TNKS: variants seen among roughly 807,000 people sequenced by gnomAD.
TNKS encodes tankyrase, also known as poly [ADP-ribose] polymerase tankyrase-1.
A neutral mutation model predicts 135.8 loss-of-function variants in TNKS; 72 were observed. That is an observed-to-expected ratio of 0.53 (90% CI 0.44 to 0.64). The LOEUF (loss-of-function observed/expected upper bound fraction) is 0.64. TNKS is among the 30% of genes least tolerant of loss of function. The pLI is 0.00. For missense variants in TNKS, 1,769 were observed against 1,674.0 expected (o/e 1.06, Z -0.99); for synonymous variants, 849 against 649.3 (o/e 1.31, Z -4.68).
At chr8:9,575,792 A>AT (rs534272443) in intron 1 of TNKS, among the ~76,000 whole-genome samples, 124 of 152,338 alleles carry the variant, frequency 8.1e-4, no homozygotes, top group African/African-American at 2.8e-3. Context: ...GCTTTTATCA[A>AT]TTTGCATGGA....
chr8:9,721,958 C>G (rs988312329), intron 12 of TNKS, among the ~76,000 whole-genome samples: 3 of 151,374 alleles, frequency 2.0e-5, no homozygotes, highest in African/African-American at 7.3e-5. Context: ...GAGCCTGAGG[C>G]AGGAGAATCA....
intron 3 of TNKS, among the ~76,000 whole-genome samples, chr8:9,661,461 C>G (rs1035118892): frequency 8.9e-4 from 136 of 152,010 alleles, no homozygotes; most frequent in Middle Eastern, 3.4e-3. Flanking sequence ...TTTGACAAGC[C>G]TGACAAAAAC....
chr8:9,723,905 A>G (rs1353636795), intron 12 of TNKS, among the ~76,000 whole-genome samples: 1 of 152,222 alleles, frequency 6.6e-6, no homozygotes, highest in Non-Finnish European at 1.5e-5. Context: ...ACACAGGTAA[A>G]GATTAGGCTT....
At chr8:9,569,456 C>G (rs1377148654) in intron 1 of TNKS, among the ~76,000 whole-genome samples, 2 of 152,184 alleles carry the variant, frequency 1.3e-5, no homozygotes, top group African/African-American at 4.8e-5. Context: ...ACTTGTGATA[C>G]ATGATACTAT....
intron 3 of TNKS, 58 bp downstream of exon 3, chr8:9,615,735 A>G: frequency 2.2e-6 from 3 of 1,394,518 alleles, no homozygotes; most frequent in South Asian, 2.6e-5. Context: ...ACTTGATTTT[A>G]TAAAATCTTG....
At chr8:9,751,480 C>G in intron 18 of TNKS, 129 bp from the exon 19 acceptor site, 3 of 737,062 alleles carry the variant, frequency 4.1e-6, no homozygotes, top group Non-Finnish European at 6.6e-6. Flanking sequence ...AAGGAATGAT[C>G]AAAAACCAGT....
chr8:9,723,577 A>G (rs888256835), intron 12 of TNKS, among the ~76,000 whole-genome samples: 5 of 152,236 alleles, frequency 3.3e-5, no homozygotes, highest in African/African-American at 1.2e-4. Context: ...CTTTTTATGA[A>G]TTAGCACTTT....
intron 2 of TNKS, among the ~76,000 whole-genome samples, chr8:9,613,860 C>G (rs1452725894): frequency 1.3e-5 from 2 of 152,198 alleles, no homozygotes; most frequent in African/African-American, 2.4e-5. Context: ...TATTTTACTT[C>G]TAGCACTCAT....
intron 2 of TNKS, among the ~76,000 whole-genome samples, chr8:9,594,926 T>C (rs1272027491): frequency 1.3e-5 from 2 of 152,218 alleles, no homozygotes; most frequent in Non-Finnish European, 2.9e-5. Context: ...TCTATTTATA[T>C]ATCATTTATA....
rs1311837488 is a variant in TNKS, at chr8:9,776,708, C to T, written c.3956C>T (p.Thr1319Ile). Residue 1319 changes from threonine to isoleucine, a missense_variant, in exon 27 of 27, where the codon ACC becomes ATC. Coordinates refer to ENST00000310430, the MANE Select transcript of TNKS (RefSeq NM_003747.3). ...ATGAAGCCAGAAGCCCCTTCCCAGA[C>T]CGCAACAGCCGCAGAGCAGAAGACC... is the stretch of plus-strand genomic sequence containing the variant. ...QIMKPEAPSQ[T>I]ATAAEQKT The T allele has an allele frequency of 6.2e-7, 1 of 1,614,006 alleles. No homozygotes were observed. Among genetic ancestry groups the T allele is most frequent in the South Asian group, 1.1e-5 (1 of 91,078 alleles).
intron 20 of TNKS, 40 bp downstream of exon 20, chr8:9,752,666 T>C: frequency 7.3e-7 from 1 of 1,371,792 alleles, no homozygotes; most frequent in Non-Finnish European, 1.0e-6. Context: ...TTAAATTAAA[T>C]ACTAAGATTA....
At chr8:9,697,778 A>G (rs1424599776) in intron 5 of TNKS, among the ~76,000 whole-genome samples, 1 of 152,182 alleles carries the variant, frequency 6.6e-6, no homozygotes, top group Non-Finnish European at 1.5e-5. Context: ...TAAAAAGTCA[A>G]AAGACAATAG....
intron 3 of TNKS, among the ~76,000 whole-genome samples, chr8:9,645,257 G>C (rs1166511429): frequency 1.3e-5 from 2 of 152,030 alleles, no homozygotes; most frequent in Non-Finnish European, 2.9e-5. Context: ...CCAAGATCAG[G>C]GAGAAGACAT....
At chr8:9,572,965 G>A (rs1797812753) in intron 1 of TNKS, among the ~76,000 whole-genome samples, 1 of 151,736 alleles carries the variant, frequency 6.6e-6, no homozygotes, top group Admixed American at 6.6e-5. Flanking sequence ...TTTTTGTTTT[G>A]CTTTTTATTT....
chr8:9,679,131 T>A (rs755049468), intron 3 of TNKS, among the ~76,000 whole-genome samples: 23 of 152,234 alleles, frequency 1.5e-4, no homozygotes, highest in Non-Finnish European at 2.9e-4. Context: ...TAAAATCTTG[T>A]GATAAAATAG....
At chr8:9,717,274 T>C (rs1255041828) in intron 11 of TNKS, among the ~76,000 whole-genome samples, 1 of 151,604 alleles carries the variant, frequency 6.6e-6, no homozygotes, top group Non-Finnish European at 1.5e-5. Flanking sequence ...GTCAGTATTG[T>C]ATTGAAAAAT....
chr8:9,631,218 A>G (rs550587186), intron 3 of TNKS, among the ~76,000 whole-genome samples: 7 of 152,360 alleles, frequency 4.6e-5, no homozygotes, highest in African/African-American at 1.4e-4. Flanking sequence ...ATCTTTACAT[A>G]GCTAGAATCC....
intron 1 of TNKS, among the ~76,000 whole-genome samples, chr8:9,568,184 C>G (rs11784858): frequency 0.11 from 16,537 of 152,232 alleles, 1,213 homozygotes; most frequent in Admixed American, 0.22. Flanking sequence ...TTCAAGCAAG[C>G]TGCATGCAAC....
chr8:9,757,748 T>C (rs1806919998), intron 20 of TNKS, among the ~76,000 whole-genome samples: 1 of 152,212 alleles, frequency 6.6e-6, no homozygotes, highest in Admixed American at 6.5e-5. Flanking sequence ...TATCAGTTAT[T>C]TGGACCAACT....
Sources: gnomAD v4.1 joint callset for allele counts (sites outside exome capture counted in the v4.1 genomes callset) on GRCh38, gnomAD v4.1.1 for gene constraint, MANE v1.5 for transcripts, NCBI Gene and HGNC (gene_info 2026-07-23, HGNC 2026-07-21) for gene names.